DCAF6: variants seen among roughly 807,000 people sequenced by gnomAD.
DCAF6 encodes the protein DDB1- and CUL4-associated factor 6.
A neutral mutation model predicts 125.1 loss-of-function variants in DCAF6; 54 were observed. That is an observed-to-expected ratio of 0.43 (90% confidence interval 0.35 to 0.54). The LOEUF is 0.54. DCAF6 is among the 20% of genes least tolerant of loss of function. The pLI is 0.01. For synonymous variants in DCAF6, 371 were observed against 390.4 expected, an observed-to-expected ratio of 0.95 and a Z score of 0.58; for missense variants, 934 against 1,161.7, an observed-to-expected ratio of 0.80 and a Z score of 2.85.
At chr1:167,900,265 G>A in the DCAF6 span, among the ~76,000 whole-genome samples, 2 of 151,688 alleles carry the variant, frequency 1.3e-5, no homozygotes, top group Admixed American at 6.6e-5. Flanking sequence ...TTTTATCTTC[G>A]CTCTCTGCTA....
chr1:167,961,487 C>G (rs1387023890), intron 2 of DCAF6, among the ~76,000 whole-genome samples: 2 of 152,092 alleles, frequency 1.3e-5, no homozygotes, highest in African/African-American at 2.4e-5. Flanking sequence ...GTGATCCGCC[C>G]TCCTTTGCCT....
the DCAF6 span, among the ~76,000 whole-genome samples, chr1:167,871,612 G>A: frequency 6.6e-6 from 1 of 152,210 alleles, no homozygotes. Context: ...TTCCTTCTGT[G>A]CTGGGCAGAT....
chr1:167,936,953 G>A lies in DCAF6; in HGVS notation c.42G>A (p.Val14=), dbSNP rs1363302741. The A allele has an allele frequency of 1.9e-6, 3 of 1,610,836 alleles. No individual in the cohort carries two copies. The highest frequency in any genetic ancestry group is 2.5e-6 in the Non-Finnish European group (3 of 1,179,194). Residue 14 remains valine, a synonymous_variant, in exon 1 of 22, where the codon GTG becomes GTA. Coordinates refer to ENST00000367840, the MANE Select transcript of DCAF6 (RefSeq NM_001198956.2). The stretch of plus-strand genomic sequence containing the variant: ...CCTACCCACACCTGTTGTGGGACGT[G>A]AGGAAAAGGTCCCTCGGGCTGGAGG... ...GGSYPHLLWD[V]RKRSLGLEDP...
chr1:167,991,924 C>G lies in DCAF6; in HGVS notation c.688+585C>G, dbSNP rs529348270. On this transcript the variant is annotated intron_variant, in intron 6 of 21. Coordinates refer to ENST00000367840, the MANE Select transcript of DCAF6 (RefSeq NM_001198956.2). ...TGGGCCCTAATCCAGTATGACCTCA[C>G]TGTAACTAACTACATCTGTAAAGGT... Among the ~76,000 whole-genome samples the G allele has an allele frequency of 5.3e-5, 8 of 152,224 alleles. No individual in the cohort carries two copies. In the East Asian group the frequency reaches 1.2e-3, roughly 22 times the overall value.
chr1:167,957,370 T>G (rs1179867746), intron 2 of DCAF6, among the ~76,000 whole-genome samples: 4 of 152,174 alleles, frequency 2.6e-5, no homozygotes, highest in Non-Finnish European at 5.9e-5. Context: ...GCTGTTAATG[T>G]AAGGGTTCTT....
the DCAF6 span, chr1:167,904,964 C>T: frequency 6.2e-7 from 1 of 1,614,188 alleles, no homozygotes; most frequent in South Asian, 1.1e-5. Context: ...TGCTCATCCA[C>T]ATTAAACAAA....
chr1:168,006,293 CTT>C (rs1472520100), intron 10 of DCAF6, among the ~76,000 whole-genome samples: 1 of 151,928 alleles, frequency 6.6e-6, no homozygotes, highest in Non-Finnish European at 1.5e-5. Flanking sequence ...GAAAAAATAT[CTT>C]TGGTGGTCAT....
upstream of DCAF6, among the ~76,000 whole-genome samples, chr1:167,935,306 G>C (rs867348776): frequency 1.8e-4 from 28 of 152,326 alleles, no homozygotes; most frequent in Admixed American, 5.9e-4. Context: ...GCTGAAGAAA[G>C]TGACCTTTAC....
intron 8 of DCAF6, among the ~76,000 whole-genome samples, chr1:168,003,422 G>A (rs1682911759): frequency 6.6e-6 from 1 of 152,134 alleles, no homozygotes; most frequent in South Asian, 2.1e-4. Context: ...AAAATAAATT[G>A]ACTTTAAGGA....
chr1:167,992,284 A>ACACACACACACACAC (rs1557943229), intron 6 of DCAF6, among the ~76,000 whole-genome samples: 7 of 82,122 alleles, frequency 8.5e-5, no homozygotes, highest in Admixed American at 6.1e-4. Context: ...CACACACACA[A>ACACACACACACACAC]ACACCGAATG....
At chr1:167,995,409 G>GT (rs1212426356) in intron 7 of DCAF6, among the ~76,000 whole-genome samples, 19 of 152,200 alleles carry the variant, frequency 1.2e-4, no homozygotes, top group Admixed American at 9.8e-4. Context: ...GCCGGGCGTA[G>GT]TGGCTTACGC....
rs543895185 is a variant in DCAF6 at position 167,974,845 on chromosome 1, C to T, written c.268C>T (p.Arg90Cys). Residue 90 changes from arginine to cysteine, a missense_variant, in exon 4 of 22, where the codon CGT becomes TGT. This residue lies in a region of DCAF6 where 309 missense variants were observed against 381.2 expected (regional missense o/e 0.81). Transcript: ENST00000367840. ...PYSRKVLTTI[R>C]SGHRANIFSA... Reference sequence around the variant, plus strand: ...TGTGTTTTAGGTTTTGACAACAATTCGTTCAGGGCACCGAGCAAACATATT... The same window carrying T: ...TGTGTTTTAGGTTTTGACAACAATTTGTTCAGGGCACCGAGCAAACATATT... 25 of 1,529,586 alleles carry T rather than the reference C, an allele frequency of 1.6e-5. No homozygotes were observed. The highest frequency in any genetic ancestry group is 5.4e-5 in the South Asian group (4 of 73,510). 94.8% of individuals were successfully genotyped at this position (1,529,586 alleles called of 1,614,324 possible). A position where few individuals can be genotyped will look rare whatever the true frequency, so the allele number is the denominator to read the frequency against.
chr1:167,988,905 C>A (rs1680406966), intron 5 of DCAF6, among the ~76,000 whole-genome samples: 1 of 151,804 alleles, frequency 6.6e-6, no homozygotes, highest in South Asian at 2.1e-4. Context: ...ATAGTGAAAC[C>A]CTGTCTCTAC....
the DCAF6 span, chr1:167,918,479 T>C: frequency 1.7e-6 from 1 of 588,192 alleles, no homozygotes; most frequent in African/African-American, 1.9e-5. Context: ...TATACAGTTG[T>C]AAACAGAATC....
At chr1:168,040,057 G>A (rs2101753111) in intron 13 of DCAF6, among the ~76,000 whole-genome samples, 1 of 152,074 alleles carries the variant, frequency 6.6e-6, no homozygotes, top group South Asian at 2.1e-4. Flanking sequence ...ATGTTAGAAG[G>A]ACAATGGAGG....
chr1:168,024,352 A>G (rs1686061758), intron 12 of DCAF6, among the ~76,000 whole-genome samples: 1 of 152,218 alleles, frequency 6.6e-6, no homozygotes, highest in African/African-American at 2.4e-5. Context: ...GAAAGTTTAC[A>G]TATTAGATGA....
At chr1:167,920,752 CCATT>C in the DCAF6 span, 4 of 938,300 alleles carry the variant, frequency 4.3e-6, no homozygotes, top group African/African-American at 1.7e-5. Flanking sequence ...ATTTTAGTGT[CCATT>C]CATTAAGAAA....
intron 9 of DCAF6, 145 bp from the exon 10 acceptor site, chr1:168,004,388 T>C (rs1683058762): frequency 1.1e-6 from 1 of 904,376 alleles, no homozygotes; most frequent in Non-Finnish European, 1.7e-6. Flanking sequence ...TTTTGTCAAA[T>C]GGGCCAAATC....
chr1:168,022,895 A>G (rs1557990772), intron 11 of DCAF6, 93 bp from the exon 12 acceptor site: 1 of 1,145,854 alleles, frequency 8.7e-7, no homozygotes, highest in East Asian at 2.5e-5. Context: ...CCGCAGCCTT[A>G]TACATTTGTT....
Sources: allele counts gnomAD v4.1 joint callset (sites outside exome capture counted in the v4.1 genomes callset), GRCh38; gene constraint gnomAD v4.1.1; regional missense constraint gnomAD v4.1.1; transcripts MANE v1.5; gene names NCBI Gene and HGNC (gene_info 2026-07-23, HGNC 2026-07-21).